RGS17: variants seen among roughly 807,000 people sequenced by gnomAD.
The protein encoded by RGS17 is regulator of G protein signaling 17.
In RGS17, 12 loss-of-function variants were observed where a neutral mutation model predicts 25.5. That is an observed-to-expected ratio of 0.47 (90% CI 0.30 to 0.76). The LOEUF is 0.76. RGS17 is among the 30% of genes least tolerant of loss of function. RGS17 has a pLI of 0.07. For missense variants in RGS17, 196 were observed against 242.2 expected, an observed-to-expected ratio of 0.81 and a Z score of 1.27; for synonymous variants, 71 against 76.9, an observed-to-expected ratio of 0.92 and a Z score of 0.40.
At chr6:153,027,372 A>T (rs955873058) in intron 2 of RGS17, among the ~76,000 whole-genome samples, 7 of 152,096 alleles carry the variant, frequency 4.6e-5, no homozygotes, top group African/African-American at 1.7e-4. Context: ...TGGACTAGAA[A>T]CAACAGGTGA....
Position 153,026,531 on chromosome 6 carries a change from C to G in RGS17, c.132G>C (p.Arg44Ser), listed in dbSNP as rs1375198841. Reference sequence around the variant, plus strand: ...CCGCATTTTCCCCTCTTTCTTCATTCCTCACAGTGAGGCTGTAATGTAACA... The same window carrying G: ...CCGCATTTTCCCCTCTTTCTTCATTGCTCACAGTGAGGCTGTAATGTAACA... ...CCCSCSCLTV[R>S]NEERGENAGR... The change falls in exon 3 of 5, where the codon AGG (arginine) becomes AGC (serine). Residue 44 changes from arginine to serine, a missense_variant. This residue lies in a region of RGS17 where 179 missense variants were observed against 197.6 expected (regional missense o/e 0.91). Coordinates refer to ENST00000206262, the MANE Select transcript of RGS17 (RefSeq NM_012419.5). The G allele has an allele frequency of 6.2e-7, 1 of 1,612,410 alleles. No individual in the cohort carries two copies. Among genetic ancestry groups the G allele is most frequent in the Non-Finnish European group, 8.5e-7 (1 of 1,178,772 alleles).
At chr6:153,091,016 AAATC>A (rs1339045434) in intron 1 of RGS17, among the ~76,000 whole-genome samples, 5 of 152,232 alleles carry the variant, frequency 3.3e-5, no homozygotes, top group Non-Finnish European at 7.3e-5. Context: ...TAAAAATAAT[AAATC>A]AATGATTTAG....
At chr6:153,108,587 C>T (rs1290900766) in intron 1 of RGS17, among the ~76,000 whole-genome samples, 2 of 151,818 alleles carry the variant, frequency 1.3e-5, no homozygotes, top group African/African-American at 4.8e-5. Context: ...AGGGTGGAAT[C>T]TCCTTCTTTT....
intron 1 of RGS17, among the ~76,000 whole-genome samples, chr6:153,086,182 A>T (rs1034907861): frequency 6.6e-6 from 1 of 152,216 alleles, no homozygotes; most frequent in Non-Finnish European, 1.5e-5. Context: ...AAAAAATACT[A>T]AAAAAACACA....
In RGS17 at chr6:153,011,681, G is replaced by A; in HGVS notation, c.526C>T (p.Leu176Phe). The A allele has an allele frequency of 5.0e-6, 8 of 1,612,526 alleles. No homozygotes were observed. Among genetic ancestry groups the A allele is most frequent in the Non-Finnish European group, 5.9e-6 (7 of 1,178,690 alleles). The change falls in exon 5 of 5, where the codon CTT becomes TTT. Residue 176 changes from leucine (L) to phenylalanine (F), a missense_variant. Leu to Phe is a conservative substitution (Grantham distance 22). Around this residue, in one of 2 missense-constraint regions of RGS17, gnomAD observed 179 missense variants for 197.6 expected, o/e 0.91. Coordinates refer to ENST00000206262, the MANE Select transcript of RGS17 (RefSeq NM_012419.5). ...CTGTGCATTAAAGTATATATCTGAA[G>A]TTGGGCATCTTCATACATGTGAGGA... Reference protein sequence around the residue: ...PNPHMYEDAQLQIYTLMHRDS... With the variant: ...PNPHMYEDAQFQIYTLMHRDS...
At chr6:153,126,530 G>A in intron 1 of RGS17, among the ~76,000 whole-genome samples, 1 of 152,018 alleles carries the variant, frequency 6.6e-6, no homozygotes, top group Non-Finnish European at 1.5e-5. Context: ...AAACAAATAA[G>A]AAAAATGTAC....
intron 1 of RGS17, among the ~76,000 whole-genome samples, chr6:153,068,432 G>C (rs907197503): frequency 6.6e-6 from 1 of 152,160 alleles, no homozygotes; most frequent in African/African-American, 2.4e-5. Context: ...GAGTGACAGA[G>C]TGAGACTCCA....
chr6:153,035,992 T>TA (rs1324807726), intron 2 of RGS17, among the ~76,000 whole-genome samples: 1 of 152,176 alleles, frequency 6.6e-6, no homozygotes, highest in Non-Finnish European at 1.5e-5. Context: ...TTCTCTGGTG[T>TA]ATCTGCAACC....
At chr6:153,127,561 GA>G (rs1458439594) in intron 1 of RGS17, among the ~76,000 whole-genome samples, 1 of 152,120 alleles carries the variant, frequency 6.6e-6, no homozygotes, top group Non-Finnish European at 1.5e-5. Context: ...TTTTTAAAGG[GA>G]GGAGCCACAA....
chr6:153,122,813 T>C (rs1325004198), intron 1 of RGS17, among the ~76,000 whole-genome samples: 2 of 152,016 alleles, frequency 1.3e-5, no homozygotes, highest in South Asian at 4.2e-4. Flanking sequence ...AATTTATCTA[T>C]TTAGAAATAC....
intron 1 of RGS17, among the ~76,000 whole-genome samples, chr6:153,115,669 A>T (rs1459047962): frequency 1.3e-4 from 20 of 152,234 alleles, no homozygotes; most frequent in Admixed American, 1.3e-3. Flanking sequence ...ACCTGACTTC[A>T]AACTATACTA....
intron 1 of RGS17, among the ~76,000 whole-genome samples, chr6:153,081,058 G>A (rs928944208): frequency 1.6e-4 from 24 of 151,930 alleles, no homozygotes; most frequent in Admixed American, 1.5e-3. Context: ...ATGTGTACTT[G>A]AAAAGGATGT....
At chr6:153,083,644 T>G (rs1404183995) in intron 1 of RGS17, among the ~76,000 whole-genome samples, 1 of 152,130 alleles carries the variant, frequency 6.6e-6, no homozygotes, top group Non-Finnish European at 1.5e-5. Flanking sequence ...AGAAACTGAA[T>G]CAGTAAATAC....
intron 2 of RGS17, among the ~76,000 whole-genome samples, chr6:153,028,031 C>A (rs148496027): frequency 6.6e-6 from 1 of 152,200 alleles, no homozygotes; most frequent in East Asian, 1.9e-4. Flanking sequence ...TTCTGACAAG[C>A]GGGCCCATCT....
intron 1 of RGS17, among the ~76,000 whole-genome samples, chr6:153,128,301 C>T (rs1205735002): frequency 6.6e-6 from 1 of 152,134 alleles, no homozygotes; most frequent in African/African-American, 2.4e-5. Context: ...ATATAGCGGT[C>T]CTTCGATTTG....
chr6:153,100,576 A>G (rs1051291698), intron 1 of RGS17, among the ~76,000 whole-genome samples: 3 of 152,218 alleles, frequency 2.0e-5, no homozygotes, highest in African/African-American at 4.8e-5. Context: ...AAAAAAGGAA[A>G]TAGTTTAAAT....
chr6:153,066,500 C>T (rs1272244490), intron 1 of RGS17, among the ~76,000 whole-genome samples: 1 of 152,020 alleles, frequency 6.6e-6, no homozygotes, highest in Admixed American at 6.6e-5. Context: ...TTCCATGAGG[C>T]CAGTATTATC....
intron 4 of RGS17, among the ~76,000 whole-genome samples, chr6:153,016,439 G>A (rs2129105833): frequency 6.6e-6 from 1 of 151,858 alleles, no homozygotes; most frequent in Middle Eastern, 3.4e-3. Flanking sequence ...TTACATTAGA[G>A]ATTAAAAAAG....
intron 1 of RGS17, among the ~76,000 whole-genome samples, chr6:153,065,565 A>T (rs1776695737): frequency 6.6e-6 from 1 of 152,220 alleles, no homozygotes; most frequent in Non-Finnish European, 1.5e-5. Context: ...TAAAAAACTG[A>T]AATAATATCA....
Sources: allele counts gnomAD v4.1 joint callset (sites outside exome capture counted in the v4.1 genomes callset), GRCh38; gene constraint gnomAD v4.1.1; regional missense constraint gnomAD v4.1.1; transcripts MANE v1.5; gene names NCBI Gene and HGNC (gene_info 2026-07-23, HGNC 2026-07-21).